YIPF4: variants seen among roughly 807,000 people sequenced by gnomAD.
YIPF4 encodes the protein Yip1 domain family member 4, also known as protein YIPF4.
YIPF4 carries 18 observed loss-of-function variants against 29.4 expected under a neutral mutation model. The ratio of observed to expected loss-of-function variants is 0.61; its 90% CI spans 0.42 to 0.91. The LOEUF is 0.91. YIPF4 is among the 40% of genes least tolerant of loss of function. YIPF4 has a pLI of 0.00. For synonymous variants in YIPF4, 115 were observed against 104.7 expected (o/e 1.10, Z -0.60); for missense variants, 279 against 282.7 (o/e 0.99, Z 0.09).
intron 5 of YIPF4, 51 bp from the exon 6 acceptor site, chr2:32,305,438 T>G: frequency 2.1e-6 from 3 of 1,421,560 alleles, no homozygotes; most frequent in Non-Finnish European, 2.8e-6. Context: ...ATCCAAAAAG[T>G]TAATTGACTT....
rs2148968792 is a variant in YIPF4, at chr2:32,306,629, T to G, written c.*1003T>G. ...ACTTGATATTTTAACAAGTATCAGG[T>G]ACTCTCTAACAAATGTACAGTTTTT... On this transcript the variant is annotated 3_prime_UTR_variant, in exon 6 of 6. Transcript: ENST00000238831. 1.0e-6 allele frequency: 1 copy of G among 979,610 alleles called. No individual in the cohort carries two copies. Among genetic ancestry groups the G allele is most frequent in the Middle Eastern group, 5.3e-4 (1 of 1,902 alleles). The allele number at this position is 979,610 out of a possible 1,614,324, so 60.7% of individuals were successfully genotyped here.
At chr2:32,295,573 C>G (rs2031146445) in intron 3 of YIPF4, among the ~76,000 whole-genome samples, 1 of 152,014 alleles carries the variant, frequency 6.6e-6, no homozygotes, top group Non-Finnish European at 1.5e-5. Flanking sequence ...ATCACATTAC[C>G]TTCCCCTCTA....
intron 4 of YIPF4, 66 bp downstream of exon 4, chr2:32,298,377 T>G: frequency 2.6e-6 from 3 of 1,156,514 alleles, no homozygotes; most frequent in Non-Finnish European, 3.8e-6. Flanking sequence ...ATACTGCAGA[T>G]ATCATCATTA....
chr2:32,305,817 TG>T lies in YIPF4; in HGVS notation c.*194del, dbSNP rs973897246. The T allele has an allele frequency of 1.6e-6, 2 of 1,214,534 alleles. No individual in the cohort carries two copies. Among genetic ancestry groups the T allele is most frequent in the Non-Finnish European group, 2.0e-6 (2 of 977,674 alleles). 75.2% of individuals were successfully genotyped at this position (1,214,534 alleles called of 1,614,324 possible). A position where few individuals can be genotyped will look rare whatever the true frequency, so the allele number is the denominator to read the frequency against. On this transcript the variant is annotated 3_prime_UTR_variant, in exon 6 of 6. Coordinates refer to ENST00000238831, the MANE Select transcript of YIPF4 (RefSeq NM_032312.4). ...AGCAATTGCAGTTATCTGGGATTTT[TG>T]GGTCAGAATTTTAAATTCTGTTTGA...
At chr2:32,300,502 T>C (rs996594020) in intron 4 of YIPF4, among the ~76,000 whole-genome samples, 1 of 151,956 alleles carries the variant, frequency 6.6e-6, no homozygotes, top group Non-Finnish European at 1.5e-5. Context: ...GTGAATGATA[T>C]TAGAATATAT....
In YIPF4 at chr2:32,309,890, A is replaced by G. The variant is rs2031683029; in HGVS notation, c.*4264A>G. 1 of 152,048 alleles carries G rather than the reference A, an allele frequency of 6.6e-6. No homozygotes were observed. The highest frequency in any genetic ancestry group is 1.5e-5 in the Non-Finnish European group (1 of 68,022). 9.4% of individuals were successfully genotyped at this position (152,048 alleles called of 1,614,324 possible). ...TTTTTAATGGAGACAGGGTTTCACC[A>G]TGTTGGCCAGGCTGGTCTTAAACTC... On this transcript the variant is annotated 3_prime_UTR_variant, in exon 6 of 6. Transcript: ENST00000238831.
intron 2 of YIPF4, 108 bp from the exon 3 acceptor site, chr2:32,292,069 C>G: frequency 1.5e-6 from 1 of 656,558 alleles, no homozygotes; most frequent in Non-Finnish European, 2.3e-6. Context: ...TTTTGTTGAC[C>G]TATGGAGATT....
In YIPF4 at chr2:32,285,937, G is replaced by A. The variant is rs564470506; in HGVS notation, c.80-4546G>A. ...ATATAGGTCTAGTCTTATCACAAAT[G>A]TTTTCTATACAATATGCTGGTGAAG... On this transcript the variant is annotated intron_variant, in intron 1 of 5. Transcript: ENST00000238831. Among the ~76,000 whole-genome samples, 79 of 152,180 alleles carry A rather than the reference G, an allele frequency of 5.2e-4. 1 individual carries two copies. The highest frequency in any genetic ancestry group is 1.8e-3 in the African/African-American group (76 of 41,518).
At chr2:32,286,237 A>G (rs1448642758) in intron 1 of YIPF4, among the ~76,000 whole-genome samples, 2 of 152,228 alleles carry the variant, frequency 1.3e-5, no homozygotes, top group Non-Finnish European at 2.9e-5. Context: ...GGATTGTACC[A>G]GTGTCAGTGT....
chr2:32,301,263 G>A (rs2031393583), intron 4 of YIPF4, 119 bp from the exon 5 acceptor site: 1 of 660,910 alleles, frequency 1.5e-6, no homozygotes, highest in Admixed American at 2.9e-5. Context: ...AATAGTTTAT[G>A]ATTTCTTCTT....
At chr2:32,294,016 A>T (rs1369028740) in intron 3 of YIPF4, among the ~76,000 whole-genome samples, 1 of 130,320 alleles carries the variant, frequency 7.7e-6, no homozygotes, top group Non-Finnish European at 1.6e-5. Context: ...TCCCTCCCGG[A>T]CAGGGCGGCT....
At chr2:32,292,472 C>T in intron 3 of YIPF4, 124 bp downstream of exon 3, 1 of 762,812 alleles carries the variant, frequency 1.3e-6, no homozygotes, top group Non-Finnish European at 1.8e-6. Context: ...TTATTTCTCA[C>T]TTGTTCATCC....
At chr2:32,293,830 G>C (rs1335612687) in intron 3 of YIPF4, among the ~76,000 whole-genome samples, 1 of 148,936 alleles carries the variant, frequency 6.7e-6, no homozygotes, top group Non-Finnish European at 1.5e-5. Flanking sequence ...GGGGCGGCTG[G>C]CCAGGCGGGG....
intron 2 of YIPF4, among the ~76,000 whole-genome samples, chr2:32,291,508 C>T (rs924572059): frequency 6.6e-6 from 1 of 152,168 alleles, no homozygotes; most frequent in Non-Finnish European, 1.5e-5. Flanking sequence ...TGCCCCACCG[C>T]ACTCCAGCCT....
Position 32,311,668 on chromosome 2 carries a change from A to T in YIPF4, c.*6042A>T, listed in dbSNP as rs900368800. 4.6e-5 allele frequency: 7 copies of T among 152,258 alleles called. No individual in the cohort carries two copies. The highest frequency in any genetic ancestry group is 3.3e-4 in the Admixed American group (5 of 15,288). The allele number at this position is 152,258 out of a possible 1,614,324, so 9.4% of individuals were successfully genotyped here. A position where few individuals can be genotyped will look rare whatever the true frequency, so the allele number is the denominator to read the frequency against. ...GTTAATACTTACGAAAAAAGGAAGC[A>T]TTCCCACCTGTAATAATTTTGTTAA... On this transcript the variant is annotated 3_prime_UTR_variant, in exon 6 of 6. Transcript: ENST00000238831.
chr2:32,298,620 G>C (rs1387244584), intron 4 of YIPF4, among the ~76,000 whole-genome samples: 1 of 152,020 alleles, frequency 6.6e-6, no homozygotes, highest in African/African-American at 2.4e-5. Flanking sequence ...CAGTGCAGTG[G>C]GGCAATCTCG....
chr2:32,304,678 C>G (rs1406627173), intron 5 of YIPF4, among the ~76,000 whole-genome samples: 2 of 152,128 alleles, frequency 1.3e-5, no homozygotes, highest in Non-Finnish European at 2.9e-5. Flanking sequence ...AGTACGCAGC[C>G]TAAAACGTCA....
rs6737727 is a variant in YIPF4, at chr2:32,284,885, C to T, written c.80-5598C>T. Among the ~76,000 whole-genome samples, 892 of 152,006 alleles carry T rather than the reference C, an allele frequency of 5.9e-3. 17 individuals are homozygous for T. The highest frequency in any genetic ancestry group is 0.021 in the African/African-American group (868 of 41,434). On this transcript the variant is annotated intron_variant, in intron 1 of 5. Transcript: ENST00000238831. ...ATTGAGAGGAGAGCAGGTAAGTGGG[C>T]CTGGATAAGATAGGGCATGTAGAGA...
In YIPF4 at chr2:32,278,101, G is replaced by T; in HGVS notation, c.-55G>T. On this transcript the variant is annotated 5_prime_UTR_variant, in exon 1 of 6. Coordinates refer to ENST00000238831, the MANE Select transcript of YIPF4 (RefSeq NM_032312.4). ...CGGGTCGCCGCCGCGGCCGCCTCGG[G>T]GTCTGGGCCCAGCCGCAGCCTCTTC... The T allele has an allele frequency of 6.7e-7, 1 of 1,499,194 alleles. No homozygotes were observed. The highest frequency in any genetic ancestry group is 9.0e-7 in the Non-Finnish European group (1 of 1,112,758). 92.9% of individuals were successfully genotyped at this position (1,499,194 alleles called of 1,614,324 possible). A position where few individuals can be genotyped will look rare whatever the true frequency, so the allele number is the denominator to read the frequency against.
Sources: gnomAD v4.1 joint callset for allele counts (sites outside exome capture counted in the v4.1 genomes callset) on GRCh38, gnomAD v4.1.1 for gene constraint, MANE v1.5 for transcripts, NCBI Gene and HGNC (gene_info 2026-07-23, HGNC 2026-07-21) for gene names.